Variants in FGR observed in about 807,000 individuals in gnomAD.
The protein encoded by FGR is FGR proto-oncogene, Src family tyrosine kinase, also known as tyrosine-protein kinase Fgr.
FGR carries 26 observed loss-of-function variants against 63.2 expected under a neutral mutation model. The ratio of observed to expected loss-of-function variants is 0.41; its 90% CI spans 0.30 to 0.57. The LOEUF is 0.57. Among genes scored for constraint, FGR ranks in the 20% least tolerant of loss-of-function variants. FGR has a pLI of 0.27. For synonymous variants in FGR, 286 were observed against 277.7 expected (o/e 1.03, Z -0.30); for missense variants, 511 against 690.8 (o/e 0.74, Z 2.92).
At chr1:27,622,505 ATTAT>A (rs1206743523) in intron 4 of FGR, among the ~76,000 whole-genome samples, 2 of 149,412 alleles carry the variant, frequency 1.3e-5, no homozygotes, top group Admixed American at 6.6e-5. Flanking sequence ...TTATTTTTTA[ATTAT>A]TTATTTATTT....
At chr1:27,633,035 G>T (rs1359198004) in intron 1 of FGR, among the ~76,000 whole-genome samples, 1 of 152,116 alleles carries the variant, frequency 6.6e-6, no homozygotes, top group Non-Finnish European at 1.5e-5. Context: ...ATGCTCAAGG[G>T]TTCATGCTCA....
chr1:27,614,546 T>C lies in FGR; in HGVS notation c.1133A>G (p.Tyr378Cys), dbSNP rs770064698. The change falls in exon 11 of 13, where the codon TAC becomes TGC. Residue 378 changes from tyrosine (Y) to cysteine (C), a missense_variant. By Grantham distance (194) the Tyr-to-Cys change is radical. Coordinates refer to ENST00000374005, the MANE Select transcript of FGR (RefSeq NM_005248.3). ...EGMAYMERMNYIHRDLRAANI... is the reference protein window; with the variant it reads ...EGMAYMERMNCIHRDLRAANI... Reference sequence around the variant, plus strand: ...GGCTGCCCTCAGGTCGCGGTGAATGTAGTTCATGCGTTCCATGTAGGCCAT... The same window carrying C: ...GGCTGCCCTCAGGTCGCGGTGAATGCAGTTCATGCGTTCCATGTAGGCCAT... 3 of 1,614,086 alleles carry C rather than the reference T, an allele frequency of 1.9e-6. No individual in the cohort carries two copies. Among genetic ancestry groups the C allele is most frequent in the Non-Finnish European group, 2.5e-6 (3 of 1,179,984 alleles).
In FGR at chr1:27,615,670, GC is replaced by G; in HGVS notation, c.838+18del. The G allele has an allele frequency of 1.9e-6, 3 of 1,592,436 alleles. No homozygotes were observed. Among genetic ancestry groups the G allele is most frequent in the African/African-American group, 1.3e-5 (1 of 74,522 alleles). On this transcript the variant is annotated intron_variant, in intron 8 of 12. Transcript: ENST00000374005. This position sits in a 1 kb window ranked among gnomAD's most constrained non-coding sequence, Gnocchi z 7.6. ...CCCCCGAGCCCAGGCCCTCGTCCCG[GC>G]CCCCGGGAGCTCCGTACCCAGCCAC...
Position 27,618,881 on chromosome 1 carries a change from T to C in FGR, c.429-1585A>G, listed in dbSNP as rs1381627364. Among the ~76,000 whole-genome samples the C allele has an allele frequency of 1.5e-4, 23 of 152,204 alleles. 1 individual carries two copies. Among genetic ancestry groups the C allele is most frequent in the Non-Finnish European group, 7.3e-5 (5 of 68,046 alleles). On this transcript the variant is annotated intron_variant, in intron 5 of 12. Coordinates refer to ENST00000374005, the MANE Select transcript of FGR (RefSeq NM_005248.3). Reference sequence around the variant, plus strand: ...AAGTGCTTCACACTTGGGTCTCCACTTCCTCACCTCCCACTCCCTCCCAGG... The same window carrying C: ...AAGTGCTTCACACTTGGGTCTCCACCTCCTCACCTCCCACTCCCTCCCAGG...
rs1390856692 is a variant in FGR, at chr1:27,623,067, C to T, written c.304G>A (p.Glu102Lys). The T allele has an allele frequency of 6.2e-7, 1 of 1,614,022 alleles. No individual in the cohort carries two copies. The highest frequency in any genetic ancestry group is 8.5e-7 in the Non-Finnish European group (1 of 1,179,868). The change falls in exon 4 of 13, where the codon GAG becomes AAG. Residue 102 changes from glutamate to lysine, a missense_variant. Transcript: ENST00000374005. ...TEDDLTFTKG[E>K]KFHILNNTEG... ...GTATTGTTCAGGATGTGGAACTTCT[C>T]GCCCTTGGTGAAGGTGAGGTCATCC...
At position 27,623,550 on chromosome 1, in the gene FGR, C is replaced by T. The variant is rs1010169538; in HGVS notation, c.226+141G>A. 4.7e-6 allele frequency: 4 copies of T among 859,974 alleles called. No homozygotes were observed. In the East Asian group the frequency reaches 1.1e-4, roughly 23 times the overall value. 53.3% of individuals were successfully genotyped at this position (859,974 alleles called of 1,614,324 possible). On this transcript the variant is annotated intron_variant, in intron 3 of 12. Coordinates refer to ENST00000374005, the MANE Select transcript of FGR (RefSeq NM_005248.3). ...CTGATGGGAGGGCTGTACAGACTCC[C>T]TCAGCCCATGTGATCTTGAAAGCGG... is the stretch of plus-strand genomic sequence containing the variant.
chr1:27,626,849 A>G (rs2090028937), intron 1 of FGR, among the ~76,000 whole-genome samples: 1 of 152,016 alleles, frequency 6.6e-6, no homozygotes, highest in African/African-American at 2.4e-5. Context: ...GGAACTGGTG[A>G]AAAGAGAGAT....
intron 1 of FGR, among the ~76,000 whole-genome samples, chr1:27,632,895 C>G (rs1207903668): frequency 6.6e-6 from 1 of 152,130 alleles, no homozygotes; most frequent in Admixed American, 6.5e-5. Context: ...CCAGTCTGCT[C>G]TGCGTGGGAA....
intron 11 of FGR, 40 bp from the exon 12 acceptor site, chr1:27,613,390 T>A (rs2089733567): frequency 6.2e-7 from 1 of 1,605,640 alleles, no homozygotes; most frequent in African/African-American, 1.3e-5. Flanking sequence ...AGTGAGGGGG[T>A]CCCTGGAAAC....
Position 27,614,442 on chromosome 1 carries a change from T to G in FGR, c.1237A>C (p.Asn413His). ...LARLIKDDEY[N>H]PCQGSKFPIK... ...TGAAGCAGGGCACCTTGGCAGGGGT[T>G]GTACTCATCGTCCTTGATGAGACGC... Residue 413 changes from asparagine (N) to histidine (H), a missense_variant, in exon 11 of 13, where the codon AAC becomes CAC. Physicochemically the swap from Asn to His is moderately conservative, Grantham distance 68. Coordinates refer to ENST00000374005, the MANE Select transcript of FGR (RefSeq NM_005248.3). 6.2e-7 allele frequency: 1 copy of G among 1,613,392 alleles called. No homozygotes were observed. Among genetic ancestry groups the G allele is most frequent in the Non-Finnish European group, 8.5e-7 (1 of 1,179,710 alleles).
At chr1:27,634,484 T>C (rs1571413957) in intron 1 of FGR, among the ~76,000 whole-genome samples, 2 of 152,310 alleles carry the variant, frequency 1.3e-5, no homozygotes, top group East Asian at 3.9e-4. Context: ...CTGCGGGCTG[T>C]GGGCTTCACC....
At chr1:27,622,894 C>T (rs2089956827) in intron 4 of FGR, 148 bp downstream of exon 4, 1 of 631,132 alleles carries the variant, frequency 1.6e-6, no homozygotes, top group Non-Finnish European at 2.9e-6. Flanking sequence ...AACCAGCACA[C>T]AGTTGCAGTC....
chr1:27,612,830 C>T lies in FGR; in HGVS notation c.*84G>A. 7.3e-7 allele frequency: 1 copy of T among 1,371,470 alleles called. No individual in the cohort carries two copies. The highest frequency in any genetic ancestry group is 1.3e-5 in the South Asian group (1 of 75,394). 85.0% of individuals were successfully genotyped at this position (1,371,470 alleles called of 1,614,324 possible). ...TGCTAGGACTCTATGGGGTTCTAAG[C>T]CAGCCTGGGGGCTTTGGAAGAACAG... On this transcript the variant is annotated 3_prime_UTR_variant, in exon 13 of 13. Transcript: ENST00000374005.
At chr1:27,621,525 C>G in intron 5 of FGR, 34 bp downstream of exon 5, 2 of 1,530,024 alleles carry the variant, frequency 1.3e-6, no homozygotes, top group Non-Finnish European at 1.8e-6. Context: ...AGGGTCCTGT[C>G]CATAGGGCTG....
At position 27,616,806 on chromosome 1, in the gene FGR, T is replaced by C; in HGVS notation, c.682+51A>G. ...TTCTCTGGGCCTCAGTTCCCCCATCTGGACAATGCTTCAGTTGGTTGGTTC... is the reference window on the plus strand; with the variant it reads ...TTCTCTGGGCCTCAGTTCCCCCATCCGGACAATGCTTCAGTTGGTTGGTTC... On this transcript the variant is annotated intron_variant, in intron 7 of 12. Coordinates refer to ENST00000374005, the MANE Select transcript of FGR (RefSeq NM_005248.3). This position sits in a 1 kb window ranked among gnomAD's most constrained non-coding sequence, Gnocchi z 4.3. The C allele has an allele frequency of 6.3e-7, 1 of 1,597,418 alleles. No homozygotes were observed. The highest frequency in any genetic ancestry group is 8.6e-7 in the Non-Finnish European group (1 of 1,165,218).
rs2089834625 is a variant in FGR, at chr1:27,617,369, C to G, written c.429-73G>C. Reference sequence around the variant, plus strand: ...ACCTCAGCCTCCTGCACAGTCACCTCACAAGCCAAGACTCCATTTTCCCCA... The same window carrying G: ...ACCTCAGCCTCCTGCACAGTCACCTGACAAGCCAAGACTCCATTTTCCCCA... On this transcript the variant is annotated intron_variant, in intron 5 of 12. Coordinates refer to ENST00000374005, the MANE Select transcript of FGR (RefSeq NM_005248.3). This position sits in a 1 kb window ranked among gnomAD's most constrained non-coding sequence, Gnocchi z 4.5. 2 of 1,080,492 alleles carry G rather than the reference C, an allele frequency of 1.9e-6. No homozygotes were observed. The highest frequency in any genetic ancestry group is 1.5e-5 in the African/African-American group (1 of 64,662). 66.9% of individuals were successfully genotyped at this position (1,080,492 alleles called of 1,614,324 possible).
At chr1:27,613,160 G>T (rs768259781) in intron 12 of FGR, 38 bp from the exon 13 acceptor site, 2 of 1,610,498 alleles carry the variant, frequency 1.2e-6, no homozygotes, top group African/African-American at 2.7e-5. Context: ...GGGACAGCCA[G>T]GTGGAAGCCC....
At position 27,615,807 on chromosome 1, in the gene FGR, G is replaced by C. The variant is rs2089797985; in HGVS notation, c.720C>G (p.Pro240=). 1 of 1,598,976 alleles carries C rather than the reference G, an allele frequency of 6.3e-7. No individual in the cohort carries two copies. Among genetic ancestry groups the C allele is most frequent in the African/African-American group, 1.3e-5 (1 of 74,528 alleles). The change falls in exon 8 of 13, where the codon CCC becomes CCG. Residue 240 remains proline (P), a synonymous_variant. Coordinates refer to ENST00000374005, the MANE Select transcript of FGR (RefSeq NM_005248.3). The surrounding 1 kb of genome is among the most constrained non-coding windows in gnomAD (Gnocchi z 7.6). ...NDGLCNLLIA[P]CTIMKPQTLG... is the part of the protein sequence containing the mutation. The stretch of plus-strand genomic sequence containing the variant: ...GCGTCTGCGGCTTCATGATGGTGCA[G>C]GGCGCGATGAGCAGGTTGCACAGCC...
At chr1:27,621,881 G>A (rs906575571) in intron 4 of FGR, among the ~76,000 whole-genome samples, 3 of 152,172 alleles carry the variant, frequency 2.0e-5, no homozygotes, top group Admixed American at 1.3e-4. Context: ...AGGGCTCTTA[G>A]CTTCTTCCTT....
Sources: gnomAD v4.1 joint callset for allele counts (sites outside exome capture counted in the v4.1 genomes callset) on GRCh38, gnomAD v4.1.1 for gene constraint, Gnocchi (gnomAD v3.1) non-coding constraint, MANE v1.5 for transcripts, NCBI Gene and HGNC (gene_info 2026-07-23, HGNC 2026-07-21) for gene names.